HOXA10: variants seen among roughly 807,000 people sequenced by gnomAD.
HOXA10 encodes homeobox protein Hox-A10.
A neutral mutation model predicts 29.7 loss-of-function variants in HOXA10; 12 were observed. The observed-to-expected ratio is 0.40, with a 90% CI of 0.26 to 0.65. The LOEUF (loss-of-function observed/expected upper bound fraction) is 0.65. Among genes scored for constraint, HOXA10 ranks in the 30% least tolerant of loss-of-function variants. HOXA10 has a pLI of 0.37. For synonymous variants in HOXA10, 327 were observed against 280.7 expected (o/e 1.16, Z -1.65); for missense variants, 656 against 585.9 (o/e 1.12, Z -1.24).
chr7:27,178,840 A>G (rs527960034), upstream of HOXA10, among the ~76,000 whole-genome samples: 3 of 152,236 alleles, frequency 2.0e-5, no homozygotes, highest in Non-Finnish European at 4.4e-5. Context: ...GGGAATTTGA[A>G]TCGATCCTTC....
chr7:27,174,343 C>T (rs1345750566), upstream of HOXA10: 9 of 1,593,982 alleles, frequency 5.6e-6, no homozygotes, highest in Non-Finnish European at 6.8e-6. Flanking sequence ...ATTAGCAATC[C>T]CCCCGCACCG....
upstream of HOXA10, among the ~76,000 whole-genome samples, chr7:27,179,084 G>A (rs1036083193): frequency 6.6e-6 from 1 of 152,244 alleles, no homozygotes; most frequent in African/African-American, 2.4e-5. Flanking sequence ...ATGCAACACA[G>A]AGACTTGTCT....
rs1345193602 is a variant in HOXA10 at position 27,171,836 on chromosome 7, C to T, written c.*63G>A. On this transcript the variant is annotated 3_prime_UTR_variant, in exon 2 of 2. Transcript: ENST00000283921. ...ACAGGTGCGAGTTCCTGGGCAGAGC[C>T]TGAAGACAGAGGGAGGGGACCAGCG... The T allele has an allele frequency of 6.4e-7, 1 of 1,560,832 alleles. No homozygotes were observed. The highest frequency in any genetic ancestry group is 1.4e-5 in the African/African-American group (1 of 73,878).
At chr7:27,175,740 T>G (rs1783643102), upstream of HOXA10, among the ~76,000 whole-genome samples, 1 of 152,224 alleles carries the variant, frequency 6.6e-6, no homozygotes. Flanking sequence ...ACTCTAGGCC[T>G]GCCCGCCCCT....
intron 1 of HOXA10, chr7:27,172,794 C>G (rs569745227): frequency 4.3e-5 from 7 of 164,426 alleles, no homozygotes; most frequent in African/African-American, 1.7e-4. Flanking sequence ...AGCTCAGGGC[C>G]CCCCGCTTCC....
At chr7:27,178,031 G>A (rs1783683397), upstream of HOXA10, among the ~76,000 whole-genome samples, 1 of 152,230 alleles carries the variant, frequency 6.6e-6, no homozygotes, top group African/African-American at 2.4e-5. Flanking sequence ...CTTCTGAGTA[G>A]GCCCTTGTAA....
rs1162883888 is a variant in HOXA10, at chr7:27,173,551, G to A, written c.756C>T (p.Leu252=). The change falls in exon 1 of 2, where the codon CTC becomes CTT. Residue 252 remains leucine (L), a synonymous_variant. Coordinates refer to ENST00000283921, the MANE Select transcript of HOXA10 (RefSeq NM_018951.4). Reference sequence around the variant, plus strand: ...CCGAGCCGGAGGCTAGCGCGGGCGGGAGATCGAAACCGCGCCCCGGGGGCT... The same window carrying A: ...CCGAGCCGGAGGCTAGCGCGGGCGGAAGATCGAAACCGCGCCCCGGGGGCT... ...PAQPPGRGFD[L]PPALASGSAD... is the part of the protein sequence containing the mutation. The A allele has an allele frequency of 7.6e-6, 11 of 1,456,668 alleles. No homozygotes were observed. Among genetic ancestry groups the A allele is most frequent in the Non-Finnish European group, 9.0e-6 (10 of 1,113,212 alleles). 90.2% of individuals were successfully genotyped at this position (1,456,668 alleles called of 1,614,324 possible). A position where few individuals can be genotyped will look rare whatever the true frequency, so the allele number is the denominator to read the frequency against.
At position 27,170,634 on chromosome 7, in the gene HOXA10, C is replaced by T; in HGVS notation, c.*1265G>A. The T allele has an allele frequency of 2.7e-6, 1 of 364,538 alleles. No homozygotes were observed. Among genetic ancestry groups the T allele is most frequent in the South Asian group, 2.2e-5 (1 of 45,998 alleles). 22.6% of individuals were successfully genotyped at this position (364,538 alleles called of 1,614,324 possible). ...TTCCACAGCTTTTATTCTATAAGAA[C>T]ATAAACATCGTCTTTTTCCACGCAC... On this transcript the variant is annotated 3_prime_UTR_variant, in exon 2 of 2. Coordinates refer to ENST00000283921, the MANE Select transcript of HOXA10 (RefSeq NM_018951.4).
chr7:27,173,712 C>G lies in HOXA10; in HGVS notation c.595G>C (p.Gly199Arg). Reference protein sequence around the residue: ...APFPRGPPPDGCALGTSSGVP... With the variant: ...APFPRGPPPDRCALGTSSGVP... ...CCGCTGGAGGTGCCCAGGGCGCAGC[C>G]GTCGGGCGGCGGGCCCCGCGGGAAG... The change falls in exon 1 of 2, where the codon GGC becomes CGC. Residue 199 changes from glycine to arginine, a missense_variant. Gly to Arg is a moderately radical substitution (Grantham distance 125). This residue lies in a region of HOXA10 where 594 missense variants were observed against 491.9 expected (regional missense o/e 1.21). Transcript: ENST00000283921. 1.3e-6 allele frequency: 2 copies of G among 1,577,768 alleles called. No individual in the cohort carries two copies. Among genetic ancestry groups the G allele is most frequent in the South Asian group, 1.2e-5 (1 of 86,712 alleles).
In HOXA10 at chr7:27,171,961, G is replaced by C. The variant is rs762058438; in HGVS notation, c.1171C>G (p.Leu391Val). The part of the protein sequence containing the change: ...KIWFQNRRMK[L>V]KKMNRENRIR... ...CGGTTTTCTCGATTCATTTTCTTCA[G>C]TTTCATCCTGCGGTTCTGAAACCAG... is the stretch of plus-strand genomic sequence containing the variant. Residue 391 changes from leucine to valine, a missense_variant, in exon 2 of 2, where the codon CTG becomes GTG. Physicochemically the swap from Leu to Val is conservative, Grantham distance 32. Transcript: ENST00000283921. 6.2e-7 allele frequency: 1 copy of C among 1,614,076 alleles called. No homozygotes were observed. The highest frequency in any genetic ancestry group is 1.3e-5 in the African/African-American group (1 of 74,926).
At position 27,170,813 on chromosome 7, in the gene HOXA10, T is replaced by G; in HGVS notation, c.*1086A>C. 1 of 453,294 alleles carries G rather than the reference T, an allele frequency of 2.2e-6. No homozygotes were observed. The highest frequency in any genetic ancestry group is 4.4e-6 in the Non-Finnish European group (1 of 226,608). 28.1% of individuals were successfully genotyped at this position (453,294 alleles called of 1,614,324 possible). ...TTTATACAGATTTGTATTTATAGTTTTTTTCTTTTTCTGCATCTACAGGTT... is the reference window on the plus strand; with the variant it reads ...TTTATACAGATTTGTATTTATAGTTGTTTTCTTTTTCTGCATCTACAGGTT... On this transcript the variant is annotated 3_prime_UTR_variant, in exon 2 of 2. Coordinates refer to ENST00000283921, the MANE Select transcript of HOXA10 (RefSeq NM_018951.4).
upstream of HOXA10, among the ~76,000 whole-genome samples, chr7:27,177,283 C>G (rs1053258677): frequency 2.0e-5 from 3 of 152,320 alleles, no homozygotes; most frequent in Admixed American, 1.3e-4. Context: ...TGACTTTTTC[C>G]CCCTTGTAAT....
At position 27,173,514 on chromosome 7, in the gene HOXA10, G is replaced by C. The variant is rs766374306; in HGVS notation, c.793C>G (p.Arg265Gly). 7 of 1,470,738 alleles carry C rather than the reference G, an allele frequency of 4.8e-6. No individual in the cohort carries two copies. Among genetic ancestry groups the C allele is most frequent in the Admixed American group, 5.2e-5 (2 of 38,524 alleles). The allele number at this position is 1,470,738 out of a possible 1,614,324, so 91.1% of individuals were successfully genotyped here. A position where few individuals can be genotyped will look rare whatever the true frequency, so the allele number is the denominator to read the frequency against. Reference protein sequence around the residue: ...ALASGSADAARKERALDSPPP... With the variant: ...ALASGSADAAGKERALDSPPP... ...GGCGAATCGAGGGCTCGCTCCTTCC[G>C]GGCCGCATCGGCCGAGCCGGAGGCT... is the stretch of plus-strand genomic sequence containing the variant. Residue 265 changes from arginine to glycine, a missense_variant, in exon 1 of 2, where the codon CGG becomes GGG. Arg to Gly is a moderately radical substitution (Grantham distance 125, BLOSUM62 -2). Coordinates refer to ENST00000283921, the MANE Select transcript of HOXA10 (RefSeq NM_018951.4).
Position 27,173,916 on chromosome 7 carries a change from C to T in HOXA10, c.391G>A (p.Asp131Asn). ...APRSCRMEPP[D>N]GPPPPPQQQP... is the part of the protein sequence containing the mutation. Reference sequence around the variant, plus strand: ...TGCTGGGGCGGCGGCGGCGGCCCGTCAGGCGGCTCCATCCGGCAAGACCGG... The same window carrying T: ...TGCTGGGGCGGCGGCGGCGGCCCGTTAGGCGGCTCCATCCGGCAAGACCGG... Residue 131 changes from aspartate to asparagine, a missense_variant, in exon 1 of 2, where the codon GAC (aspartate) becomes AAC (asparagine). By Grantham distance (23) the Asp-to-Asn change is conservative. Coordinates refer to ENST00000283921, the MANE Select transcript of HOXA10 (RefSeq NM_018951.4). 1 of 1,520,720 alleles carries T rather than the reference C, an allele frequency of 6.6e-7. No individual in the cohort carries two copies. The highest frequency in any genetic ancestry group is 8.8e-7 in the Non-Finnish European group (1 of 1,136,564). 94.2% of individuals were successfully genotyped at this position (1,520,720 alleles called of 1,614,324 possible).
Position 27,174,004 on chromosome 7 carries a change from CCCGCCA to C in HOXA10, c.297_302del (p.Gly101_Gly102del), listed in dbSNP as rs747986816. The C allele has an allele frequency of 2.6e-6, 4 of 1,528,608 alleles. No individual in the cohort carries two copies. Among genetic ancestry groups the C allele is most frequent in the Non-Finnish European group, 3.5e-6 (4 of 1,143,826 alleles). The allele number at this position is 1,528,608 out of a possible 1,614,324, so 94.7% of individuals were successfully genotyped here. A position where few individuals can be genotyped will look rare whatever the true frequency, so the allele number is the denominator to read the frequency against. On this transcript the variant is annotated inframe_deletion, in exon 1 of 2. Coordinates refer to ENST00000283921, the MANE Select transcript of HOXA10 (RefSeq NM_018951.4). ...AGCCGTGCGCCCCGGGACCTAGACC[CCCGCCA>C]CCGCCACCGCTGCCCGGCGACGCTG... is the stretch of plus-strand genomic sequence containing the variant.
rs949506135 is a variant in HOXA10 at position 27,173,501 on chromosome 7, G to T, written c.806C>A (p.Ala269Asp). ...CGTGGGGGGCGGCGGCGAATCGAGGGCTCGCTCCTTCCGGGCCGCATCGGC... is the reference window on the plus strand; with the variant it reads ...CGTGGGGGGCGGCGGCGAATCGAGGTCTCGCTCCTTCCGGGCCGCATCGGC... Reference protein sequence around the residue: ...GSADAARKERALDSPPPPTLA... With the variant: ...GSADAARKERDLDSPPPPTLA... Residue 269 changes from alanine (A) to aspartate (D), a missense_variant, in exon 1 of 2, where the codon GCC (alanine) becomes GAC (aspartate). This residue lies in a region of HOXA10 where 594 missense variants were observed against 491.9 expected (regional missense o/e 1.21). Coordinates refer to ENST00000283921, the MANE Select transcript of HOXA10 (RefSeq NM_018951.4). The T allele has an allele frequency of 8.6e-6, 13 of 1,513,192 alleles. No homozygotes were observed. The African/African-American group carries it at 1.7e-4, about 20-fold the overall frequency. The allele number at this position is 1,513,192 out of a possible 1,614,324, so 93.7% of individuals were successfully genotyped here.
chr7:27,171,610 C>G lies in HOXA10; in HGVS notation c.*289G>C. ...GCAGTGGGACCCCAAGACAGCAAACCCAGCCCAGTCAGGACTTGACACTTA... is the reference window on the plus strand; with the variant it reads ...GCAGTGGGACCCCAAGACAGCAAACGCAGCCCAGTCAGGACTTGACACTTA... On this transcript the variant is annotated 3_prime_UTR_variant, in exon 2 of 2. Transcript: ENST00000283921. 1.8e-6 allele frequency: 1 copy of G among 552,690 alleles called. No individual in the cohort carries two copies. The highest frequency in any genetic ancestry group is 1.5e-5 in the South Asian group (1 of 65,328). 34.2% of individuals were successfully genotyped at this position (552,690 alleles called of 1,614,324 possible).
upstream of HOXA10, among the ~76,000 whole-genome samples, chr7:27,179,091 G>A (rs1489348255): frequency 6.6e-6 from 1 of 152,354 alleles, no homozygotes; most frequent in East Asian, 1.9e-4. Context: ...ACAGAGACTT[G>A]TCTGGCACTC....
At chr7:27,172,248 C>T (rs1188304730) in intron 1 of HOXA10, 75 bp from the exon 2 acceptor site, 1 of 1,439,706 alleles carries the variant, frequency 6.9e-7, no homozygotes, top group Admixed American at 1.7e-5. Flanking sequence ...GAATTGCCTC[C>T]GTTTCTCCCA....
Sources: allele counts gnomAD v4.1 joint callset (sites outside exome capture counted in the v4.1 genomes callset), GRCh38; gene constraint gnomAD v4.1.1; regional missense constraint gnomAD v4.1.1; transcripts MANE v1.5; gene names NCBI Gene and HGNC (gene_info 2026-07-23, HGNC 2026-07-21).